The following ATP2A2 variants were observed in gnomAD, a reference collection of about 807,000 sequenced individuals.
ATP2A2 encodes sarcoplasmic/endoplasmic reticulum calcium ATPase 2.
In ATP2A2, 14 loss-of-function variants were observed where a neutral mutation model predicts 109.3. That is an observed-to-expected ratio of 0.13 (90% CI 0.08 to 0.20). The LOEUF (loss-of-function observed/expected upper bound fraction) is 0.20, where lower values mean the gene tolerates loss of function less well. Among genes scored for constraint, ATP2A2 ranks in the 10% least tolerant of loss-of-function variants. The pLI is 1.00. For missense variants in ATP2A2, 657 were observed against 1,321.6 expected, an observed-to-expected ratio of 0.50 and a Z score of 7.80; for synonymous variants, 506 against 490.9, an observed-to-expected ratio of 1.03 and a Z score of -0.41.
At chr12:110,286,670 G>A (rs1173666842) in intron 3 of ATP2A2, among the ~76,000 whole-genome samples, 1 of 148,502 alleles carries the variant, frequency 6.7e-6, no homozygotes, top group Non-Finnish European at 1.5e-5. Flanking sequence ...TATCATTCTC[G>A]AAATGTTTAA....
chr12:110,306,450 C>CAGATGATGAGTAT (rs931930090), intron 5 of ATP2A2, among the ~76,000 whole-genome samples: 13 of 152,216 alleles, frequency 8.5e-5, no homozygotes, highest in South Asian at 2.1e-4. Context: ...TCCTGTCATC[C>CAGATGATGAGTAT]AGATGATGAG....
chr12:110,339,767 T>G lies in ATP2A2; in HGVS notation c.1761+46T>G. On this transcript the variant is annotated intron_variant, in intron 13 of 19. Coordinates refer to ENST00000539276, the MANE Select transcript of ATP2A2 (RefSeq NM_170665.4). This position sits in a 1 kb window ranked among gnomAD's most constrained non-coding sequence, Gnocchi z 4.4. ...TTTGTCCACACCCTGCACGATTCATTGTGTTTAAACAGTACTCCTTCAAGC... is the reference window on the plus strand; with the variant it reads ...TTTGTCCACACCCTGCACGATTCATGGTGTTTAAACAGTACTCCTTCAAGC... The G allele has an allele frequency of 6.3e-7, 1 of 1,588,476 alleles. No individual in the cohort carries two copies.
chr12:110,281,584 C>T lies in ATP2A2; in HGVS notation c.-206C>T, dbSNP rs541230019. ...GGAGCCCCCAACCCGCCCTGCGGAGCTCGGGGCCGCGCGAGGGGCGGTTGT... is the reference window on the plus strand; with the variant it reads ...GGAGCCCCCAACCCGCCCTGCGGAGTTCGGGGCCGCGCGAGGGGCGGTTGT... On this transcript the variant is annotated 5_prime_UTR_variant, in exon 1 of 20. Coordinates refer to ENST00000539276, the MANE Select transcript of ATP2A2 (RefSeq NM_170665.4). 69 of 345,484 alleles carry T rather than the reference C, an allele frequency of 2.0e-4. No homozygotes were observed. Among genetic ancestry groups the T allele is most frequent in the African/African-American group, 9.4e-4 (43 of 45,658 alleles). The allele number at this position is 345,484 out of a possible 1,614,324, so 21.4% of individuals were successfully genotyped here.
chr12:110,287,308 G>T (rs771684678), intron 3 of ATP2A2, among the ~76,000 whole-genome samples: 3 of 152,138 alleles, frequency 2.0e-5, no homozygotes, highest in Non-Finnish European at 2.9e-5. Context: ...ATGCAGTACA[G>T]AGTGTTGTAC....
At chr12:110,295,732 G>A (rs1339839787) in intron 4 of ATP2A2, among the ~76,000 whole-genome samples, 1 of 152,128 alleles carries the variant, frequency 6.6e-6, no homozygotes, top group Non-Finnish European at 1.5e-5. Flanking sequence ...CTTCCATTCT[G>A]AAATCGGGAA....
rs773847727 is a variant in ATP2A2, at chr12:110,326,370, C to G, written c.545-20C>G. ...TGTGGGTCGCAGAGATCTGTTTTTT[C>G]TGTCTCACAACCCGCTTAGGTGAAT... is the stretch of plus-strand genomic sequence containing the variant. On this transcript the variant is annotated intron_variant, in intron 6 of 19. Coordinates refer to ENST00000539276, the MANE Select transcript of ATP2A2 (RefSeq NM_170665.4). The G allele has an allele frequency of 6.2e-7, 1 of 1,609,296 alleles. No individual in the cohort carries two copies. The highest frequency in any genetic ancestry group is 1.1e-5 in the South Asian group (1 of 90,502).
At chr12:110,293,688 G>A (rs1425787349) in intron 4 of ATP2A2, among the ~76,000 whole-genome samples, 2 of 151,420 alleles carry the variant, frequency 1.3e-5, no homozygotes, top group Non-Finnish European at 2.9e-5. Context: ...GAGCCACCAC[G>A]CCCGACACAT....
intron 4 of ATP2A2, among the ~76,000 whole-genome samples, chr12:110,292,521 A>T (rs745722032): frequency 4.0e-5 from 6 of 151,824 alleles, no homozygotes; most frequent in Non-Finnish European, 8.8e-5. Context: ...CGCCCTCCTC[A>T]GCCTCCCAAA....
Position 110,346,309 on chromosome 12 carries a change from T to C in ATP2A2, c.2968T>C (p.Tyr990His). Residue 990 changes from tyrosine to histidine, a missense_variant, in exon 20 of 20, where the codon TAC (tyrosine) becomes CAC (histidine). Around this residue, in one of 9 missense-constraint regions of ATP2A2, gnomAD observed 125 missense variants for 243.5 expected, o/e 0.51. Transcript: ENST00000539276. ...GACGCTCAAGTTTGTGGCCCGCAAC[T>C]ACCTGGAACCTGGTAAAGAGTGTGT... ...DETLKFVARN[Y>H]LEPGKECVQP... is the part of the protein sequence containing the mutation. 2 of 1,614,198 alleles carry C rather than the reference T, an allele frequency of 1.2e-6. No individual in the cohort carries two copies. The highest frequency in any genetic ancestry group is 1.7e-6 in the Non-Finnish European group (2 of 1,180,038).
At chr12:110,333,424 T>C (rs1878537815) in intron 10 of ATP2A2, 141 bp downstream of exon 10, 10 of 786,154 alleles carry the variant, frequency 1.3e-5, no homozygotes, top group South Asian at 1.1e-4. Flanking sequence ...CAGAACCTGA[T>C]GGTGGGGCCA....
At chr12:110,345,906 C>T (rs1043302544) in intron 18 of ATP2A2, 95 bp from the exon 19 acceptor site, 10 of 1,239,894 alleles carry the variant, frequency 8.1e-6, no homozygotes, top group African/African-American at 3.0e-5. Flanking sequence ...CATTAACAGC[C>T]GCCTTACTGA....
At position 110,349,974 on chromosome 12, in the gene ATP2A2, C is replaced by G; in HGVS notation, c.*3504C>G. 7.8e-7 allele frequency: 1 copy of G among 1,285,852 alleles called. No homozygotes were observed. The highest frequency in any genetic ancestry group is 9.9e-7 in the Non-Finnish European group (1 of 1,008,396). The allele number at this position is 1,285,852 out of a possible 1,614,324, so 79.7% of individuals were successfully genotyped here. Reference sequence around the variant, plus strand: ...CACCCTCTGCACCACTAACCAAGACCTTGTCCTCTTGCCTGTCTCGCTGCT... The same window carrying G: ...CACCCTCTGCACCACTAACCAAGACGTTGTCCTCTTGCCTGTCTCGCTGCT... On this transcript the variant is annotated 3_prime_UTR_variant, in exon 20 of 20. Coordinates refer to ENST00000539276, the MANE Select transcript of ATP2A2 (RefSeq NM_170665.4).
At position 110,350,433 on chromosome 12, in the gene ATP2A2, A is replaced by G; in HGVS notation, c.*3963A>G. On this transcript the variant is annotated 3_prime_UTR_variant, in exon 20 of 20. Coordinates refer to ENST00000539276, the MANE Select transcript of ATP2A2 (RefSeq NM_170665.4). The stretch of plus-strand genomic sequence containing the variant: ...AAAAAGAAAAGTAAAAAACTTCCCA[A>G]CTCACTTTGTGTTATGTGGAGGAAA... 6.8e-7 allele frequency: 1 copy of G among 1,479,360 alleles called. No individual in the cohort carries two copies. The highest frequency in any genetic ancestry group is 1.2e-5 in the South Asian group (1 of 86,596). The allele number at this position is 1,479,360 out of a possible 1,614,324, so 91.6% of individuals were successfully genotyped here. A position where few individuals can be genotyped will look rare whatever the true frequency, so the allele number is the denominator to read the frequency against.
chr12:110,343,805 C>G (rs1241842518), intron 16 of ATP2A2, among the ~76,000 whole-genome samples: 1 of 152,158 alleles, frequency 6.6e-6, no homozygotes, highest in African/African-American at 2.4e-5. Flanking sequence ...GTCCCTGTTT[C>G]CATAAGAGAA....
At chr12:110,345,439 G>T in intron 18 of ATP2A2, 57 bp downstream of exon 18, 1 of 1,608,088 alleles carries the variant, frequency 6.2e-7, no homozygotes, top group South Asian at 1.1e-5. Flanking sequence ...GGGCACCGGG[G>T]AATTGTGTGT....
In ATP2A2 at chr12:110,346,303, C is replaced by T. The variant is rs1372644298; in HGVS notation, c.2962C>T (p.Arg988Cys). The change falls in exon 20 of 20, where the codon CGC (arginine) becomes TGC (cysteine). Residue 988 changes from arginine (R) to cysteine (C), a missense_variant. Arg to Cys is a radical substitution (Grantham distance 180). This residue lies in a region of ATP2A2 where 125 missense variants were observed against 243.5 expected (regional missense o/e 0.51). Coordinates refer to ENST00000539276, the MANE Select transcript of ATP2A2 (RefSeq NM_170665.4). ...GGATGAGACGCTCAAGTTTGTGGCC[C>T]GCAACTACCTGGAACCTGGTAAAGA... ...LMDETLKFVARNYLEPGKECV... is the reference protein window; with the variant it reads ...LMDETLKFVACNYLEPGKECV... The T allele has an allele frequency of 4.3e-6, 7 of 1,614,100 alleles. No homozygotes were observed. The highest frequency in any genetic ancestry group is 2.2e-5 in the East Asian group (1 of 44,880).
intron 11 of ATP2A2, among the ~76,000 whole-genome samples, chr12:110,338,366 G>A (rs1879039406): frequency 6.6e-6 from 1 of 152,206 alleles, no homozygotes; most frequent in Admixed American, 6.5e-5. Context: ...AGTTCTGGTG[G>A]ACAGCTCTGC....
chr12:110,349,367 A>T lies in ATP2A2; in HGVS notation c.*2897A>T, dbSNP rs1416412518. On this transcript the variant is annotated 3_prime_UTR_variant, in exon 20 of 20. Coordinates refer to ENST00000539276, the MANE Select transcript of ATP2A2 (RefSeq NM_170665.4). ...ACTTCCACATTCTTTCCTGATGGGCAGGTGGCTGAAGGCCCAGCCATCAGT... is the reference window on the plus strand; with the variant it reads ...ACTTCCACATTCTTTCCTGATGGGCTGGTGGCTGAAGGCCCAGCCATCAGT... 1 of 985,404 alleles carries T rather than the reference A, an allele frequency of 1.0e-6. No homozygotes were observed. The highest frequency in any genetic ancestry group is 1.1e-4 in the East Asian group (1 of 8,818). The allele number at this position is 985,404 out of a possible 1,614,324, so 61.0% of individuals were successfully genotyped here.
At chr12:110,333,903 G>A (rs1170430703) in intron 10 of ATP2A2, 109 bp from the exon 11 acceptor site, 3 of 1,466,010 alleles carry the variant, frequency 2.0e-6, no homozygotes, top group East Asian at 2.3e-5. Context: ...TGGCCTTACA[G>A]TGTTGTAATA....
Sources: gnomAD v4.1 joint callset for allele counts (sites outside exome capture counted in the v4.1 genomes callset) on GRCh38, gnomAD v4.1.1 for gene constraint, gnomAD v4.1.1 regional missense constraint, Gnocchi (gnomAD v3.1) non-coding constraint, MANE v1.5 for transcripts, NCBI Gene and HGNC (gene_info 2026-07-23, HGNC 2026-07-21) for gene names.